The following TRRAP variants were observed in gnomAD, a reference collection of about 807,000 sequenced individuals.
TRRAP encodes transformation/transcription domain associated protein, also known as transformation/transcription domain-associated protein.
A neutral mutation model predicts 438.8 loss-of-function variants in TRRAP; 41 were observed. The observed-to-expected ratio is 0.09, with a 90% confidence interval of 0.07 to 0.12. The LOEUF (loss-of-function observed/expected upper bound fraction) is 0.12. Among genes scored for constraint, TRRAP ranks in the 10% least tolerant of loss-of-function variants. The probability of loss-of-function intolerance (pLI) is 1.00; values close to 1 mark genes in which losing one functional copy is unlikely to be tolerated. For synonymous variants in TRRAP, 1,994 were observed against 1,962.9 expected, an observed-to-expected ratio of 1.02 and a Z score of -0.42; for missense variants, 3,122 against 5,055.1, an observed-to-expected ratio of 0.62 and a Z score of 11.60.
At chr7:99,003,594 C>T (rs1385658285) in intron 67 of TRRAP, among the ~76,000 whole-genome samples, 1 of 152,224 alleles carries the variant, frequency 6.6e-6, no homozygotes, top group East Asian at 1.9e-4. Flanking sequence ...TAGACGTTGC[C>T]TCAACGGCAT....
rs201866676 is a variant in TRRAP at position 98,949,440 on chromosome 7, C to G, written c.4812C>G (p.Ala1604=). The G allele has an allele frequency of 6.1e-5, 96 of 1,581,622 alleles. No individual in the cohort carries two copies. Among genetic ancestry groups the G allele is most frequent in the Non-Finnish European group, 8.0e-5 (93 of 1,168,140 alleles). ...AGAGTTTTTTAAAACACAAAGACGC[C>G]AGACCTCTGCGGGATGTGCTGGCTG... ...MFMSFLKHKD[A]RPLRDVLAAN... Residue 1604 remains alanine, a synonymous_variant, in exon 36 of 73, where the codon GCC becomes GCG. Transcript: ENST00000456197.
intron 31 of TRRAP, among the ~76,000 whole-genome samples, chr7:98,943,890 G>T (rs1388167753): frequency 1.3e-5 from 2 of 152,132 alleles, no homozygotes; most frequent in Non-Finnish European, 2.9e-5. Context: ...TGCTGGATGT[G>T]TTCCATCCTA....
chr7:98,939,250 A>T (rs1279927611), intron 30 of TRRAP, among the ~76,000 whole-genome samples: 1 of 152,182 alleles, frequency 6.6e-6, no homozygotes, highest in Non-Finnish European at 1.5e-5. Context: ...AACTATAAAC[A>T]GGAGTTTATA....
At chr7:98,951,026 G>A (rs369600740) in intron 39 of TRRAP, 22 bp downstream of exon 39, 1 of 1,563,732 alleles carries the variant, frequency 6.4e-7, no homozygotes, top group Admixed American at 1.9e-5. Context: ...ATGTGTGTGG[G>A]TGTGAGAAGT....
intron 47 of TRRAP, among the ~76,000 whole-genome samples, chr7:98,964,378 A>G (rs970938085): frequency 7.2e-5 from 11 of 152,362 alleles, no homozygotes; most frequent in African/African-American, 2.2e-4. Flanking sequence ...AACTGAAGGT[A>G]AGAACGTTGT....
At chr7:98,978,661 G>T (rs1584386230) in intron 57 of TRRAP, 108 bp from the exon 58 acceptor site, 8 of 1,468,796 alleles carry the variant, frequency 5.4e-6, no homozygotes, top group South Asian at 1.2e-5. Flanking sequence ...TTACTGTGTT[G>T]TTCTTCTGTA....
At chr7:98,891,536 CT>C (rs561135092) in intron 4 of TRRAP, among the ~76,000 whole-genome samples, 193 of 116,950 alleles carry the variant, frequency 1.7e-3, no homozygotes, top group East Asian at 4.3e-3. Flanking sequence ...GCATGTAGCT[CT>C]TTTTTTTTTT....
rs183691732 is a variant in TRRAP at position 98,882,402 on chromosome 7, G to A, written c.150+378G>A. Among the ~76,000 whole-genome samples, 36 of 142,064 alleles carry A rather than the reference G, an allele frequency of 2.5e-4. No homozygotes were observed. In the East Asian group the frequency reaches 7.3e-3, roughly 29 times the overall value. The allele number at this position is 142,064 out of a possible 152,430, so 93.2% of individuals were successfully genotyped here. On this transcript the variant is annotated intron_variant, in intron 3 of 72. Coordinates refer to ENST00000456197, the MANE Select transcript of TRRAP (RefSeq NM_001375524.1). ...TTTGAGATGGAGTTTCGCTCTTGTC[G>A]CCCAGGCTGGGGTGCAGTGGCGTCA...
chr7:99,004,587 C>G (rs542131775), intron 68 of TRRAP, among the ~76,000 whole-genome samples, 172 bp downstream of exon 68: 1 of 152,144 alleles, frequency 6.6e-6, no homozygotes, highest in Non-Finnish European at 1.5e-5. Flanking sequence ...AAGTTCTGCC[C>G]GCGCTGACTG....
In TRRAP at chr7:98,950,043, C is replaced by T. The variant is rs782734416; in HGVS notation, c.5136-21C>T. ...TGAAATTTGCTCTAAGTTAACCTGTCTTCTTCTTTTGACCCTCCAGAAGGA... is the reference window on the plus strand; with the variant it reads ...TGAAATTTGCTCTAAGTTAACCTGTTTTCTTCTTTTGACCCTCCAGAAGGA... On this transcript the variant is annotated intron_variant, in intron 37 of 72. Transcript: ENST00000456197. The T allele has an allele frequency of 2.5e-6, 4 of 1,613,446 alleles. No individual in the cohort carries two copies. The South Asian group carries it at 4.4e-5, about 18-fold the overall frequency.
intron 39 of TRRAP, among the ~76,000 whole-genome samples, chr7:98,951,991 G>A (rs1409182493): frequency 6.6e-6 from 1 of 152,184 alleles, no homozygotes; most frequent in African/African-American, 2.4e-5. Context: ...AAAGGAGCTG[G>A]CAGGCTGGAG....
intron 4 of TRRAP, among the ~76,000 whole-genome samples, chr7:98,891,277 A>T (rs1795968565): frequency 1.4e-5 from 2 of 144,300 alleles, no homozygotes; most frequent in South Asian, 4.3e-4. Flanking sequence ...AGTGGCACGA[A>T]CTCAGCTCAC....
chr7:98,922,323 G>A (rs186578006), intron 21 of TRRAP, among the ~76,000 whole-genome samples: 26 of 152,250 alleles, frequency 1.7e-4, no homozygotes, highest in African/African-American at 5.5e-4. Flanking sequence ...CTATCCAAAC[G>A]CAGCTCGCAC....
intron 59 of TRRAP, 83 bp from the exon 60 acceptor site, chr7:98,983,181 T>C (rs1793007190): frequency 2.3e-6 from 3 of 1,286,782 alleles, no homozygotes; most frequent in South Asian, 3.1e-5. Flanking sequence ...GCGATAATCA[T>C]GTCCCCAATG....
chr7:98,967,041 A>T lies in TRRAP; in HGVS notation c.7177A>T (p.Thr2393Ser). The T allele has an allele frequency of 6.2e-7, 1 of 1,606,080 alleles. No homozygotes were observed. Among genetic ancestry groups the T allele is most frequent in the Non-Finnish European group, 8.5e-7 (1 of 1,176,946 alleles). Residue 2393 changes from threonine to serine, a missense_variant and splice_region_variant, in exon 50 of 73, where the codon ACA becomes TCA. By Grantham distance (58) the Thr-to-Ser change is moderately conservative (BLOSUM62 1). Transcript: ENST00000456197. ...GCGTCTTTTCTCAAATTTCATACAG[A>T]CACCTACACTCCGGGAGAAGTCCAT... ...KNNSPMAANQ[T>S]PTLREKSILL... is the part of the protein sequence containing the mutation.
chr7:98,913,241 C>T (rs782592539), intron 18 of TRRAP, among the ~76,000 whole-genome samples: 22 of 151,960 alleles, frequency 1.4e-4, no homozygotes, highest in Non-Finnish European at 2.8e-4. Context: ...ACTGGTTCTG[C>T]GGTTACAGTT....
At chr7:98,899,880 T>A in intron 10 of TRRAP, 113 bp downstream of exon 10, 1 of 1,126,986 alleles carries the variant, frequency 8.9e-7, no homozygotes, top group African/African-American at 1.5e-5. Context: ...TTGGTAAAAT[T>A]ATATGCACTG....
In TRRAP at chr7:98,908,852, A is replaced by G. The variant is rs782391363; in HGVS notation, c.1240A>G (p.Ser414Gly). ...KNIDDESLPS[S>G]IQTMSCKLLL... The stretch of plus-strand genomic sequence containing the variant: ...CATCGACGATGAGTCCCTGCCCAGC[A>G]GCATCCAGACCATGTCCTGCAAGCT... The change falls in exon 14 of 73, where the codon AGC becomes GGC. Residue 414 changes from serine to glycine, a missense_variant. Ser to Gly is a moderately conservative substitution (Grantham distance 56). Around this residue, in one of 24 missense-constraint regions of TRRAP, gnomAD observed 343 missense variants for 564.0 expected, o/e 0.61. Transcript: ENST00000456197. This position sits in a 1 kb window ranked among gnomAD's most constrained non-coding sequence, Gnocchi z 4.1. 6.2e-7 allele frequency: 1 copy of G among 1,613,828 alleles called. No homozygotes were observed. The highest frequency in any genetic ancestry group is 8.5e-7 in the Non-Finnish European group (1 of 1,179,910).
rs1794137344 is a variant in TRRAP at position 99,005,809 on chromosome 7, G to A, written c.10753+461G>A. Among the ~76,000 whole-genome samples, 1 of 151,882 alleles carries A rather than the reference G, an allele frequency of 6.6e-6. No individual in the cohort carries two copies. Among genetic ancestry groups the A allele is most frequent in the Non-Finnish European group, 1.5e-5 (1 of 67,992 alleles). ...GGACATCCCTGTTCTAAGGTCTTTT[G>A]CACTCTACGGAGTGGGCCCCTGGAG... On this transcript the variant is annotated intron_variant, in intron 69 of 72. Coordinates refer to ENST00000456197, the MANE Select transcript of TRRAP (RefSeq NM_001375524.1). This position sits in a 1 kb window ranked among gnomAD's most constrained non-coding sequence, Gnocchi z 5.1.
Sources: gnomAD v4.1 joint callset for allele counts (sites outside exome capture counted in the v4.1 genomes callset) on GRCh38, gnomAD v4.1.1 for gene constraint, gnomAD v4.1.1 regional missense constraint, Gnocchi (gnomAD v3.1) non-coding constraint, MANE v1.5 for transcripts, NCBI Gene and HGNC (gene_info 2026-07-23, HGNC 2026-07-21) for gene names.